The following REV1 variants were observed in gnomAD, a reference collection of about 807,000 sequenced individuals.
REV1 encodes translesion synthesis protein REV1.
Under a neutral mutation model 137.4 loss-of-function variants are expected in REV1, and 42 were observed. The ratio of observed to expected loss-of-function variants is 0.31; its 90% CI spans 0.24 to 0.40. The LOEUF is 0.40. REV1 is among the 10% of genes least tolerant of loss of function. REV1 has a pLI of 1.00. For missense variants in REV1, 1,282 were observed against 1,490.1 expected (o/e 0.86, Z 2.30); for synonymous variants, 524 against 519.2 (o/e 1.01, Z -0.12).
intron 3 of REV1, among the ~76,000 whole-genome samples, 176 bp downstream of exon 3, chr2:99,462,320 T>C (rs905147219): frequency 2.0e-5 from 3 of 152,168 alleles, no homozygotes; most frequent in African/African-American, 4.8e-5. Flanking sequence ...TTAAAGACAA[T>C]GGCAGGTAAA....
chr2:99,478,801 T>C (rs1483460390), intron 1 of REV1, among the ~76,000 whole-genome samples: 1 of 152,172 alleles, frequency 6.6e-6, no homozygotes, highest in Non-Finnish European at 1.5e-5. Context: ...TCAGTGAGTC[T>C]AGGGCAGGGC....
rs758831927 is a variant in REV1 at position 99,438,979 on chromosome 2, A to C, written c.835T>G (p.Leu279Val). The C allele has an allele frequency of 2.5e-6, 4 of 1,614,070 alleles. No individual in the cohort carries two copies. The South Asian group carries it at 4.4e-5, about 18-fold the overall frequency. Residue 279 changes from leucine to valine, a missense_variant, in exon 6 of 23, where the codon TTG (leucine) becomes GTG (valine). Physicochemically the swap from Leu to Val is conservative, Grantham distance 32. This residue lies in a region of REV1 where 432 missense variants were observed against 438.0 expected (regional missense o/e 0.99). Coordinates refer to ENST00000258428, the MANE Select transcript of REV1 (RefSeq NM_016316.4). ...TCTGTGTTTCTGGTGCTTTGCTGCA[A>C]CTGCTGCAGAGTGCAGTCTCTGAAA... ...TDFRDCTLQQLQQSTRNTDAL... is the reference protein window; with the variant it reads ...TDFRDCTLQQVQQSTRNTDAL...
At position 99,403,654 on chromosome 2, in the gene REV1, CTT is replaced by C. The variant is rs751869043; in HGVS notation, c.3166+39_3166+40del. The C allele has an allele frequency of 5.8e-5, 93 of 1,613,598 alleles. 1 individual carries two copies. Among genetic ancestry groups the C allele is most frequent in the South Asian group, 1.1e-4 (10 of 91,070 alleles). On this transcript the variant is annotated intron_variant, in intron 19 of 22. Coordinates refer to ENST00000258428, the MANE Select transcript of REV1 (RefSeq NM_016316.4). ...ATTAGACAACAGTGACTCCATTACT[CTT>C]TGTCTTCATTTTTGTTACATGCCAC...
chr2:99,442,371 G>A lies in REV1; in HGVS notation c.449C>T (p.Pro150Leu), dbSNP rs755601313. Residue 150 changes from proline (P) to leucine (L), a missense_variant, in exon 5 of 23, where the codon CCT becomes CTT. Pro to Leu is a moderately conservative substitution (Grantham distance 98). Around this residue, in one of 7 missense-constraint regions of REV1, gnomAD observed 432 missense variants for 438.0 expected, o/e 0.99. Coordinates refer to ENST00000258428, the MANE Select transcript of REV1 (RefSeq NM_016316.4). ...KGLSFNPVCR[P>L]EDPLPGPSNI... ...GCTTGGACCTGGCAGAGGATCCTCAGGTCTGCATACAGGATTAAAGCTGAG... is the reference window on the plus strand; with the variant it reads ...GCTTGGACCTGGCAGAGGATCCTCAAGTCTGCATACAGGATTAAAGCTGAG... The A allele has an allele frequency of 6.2e-7, 1 of 1,613,360 alleles. No individual in the cohort carries two copies.
chr2:99,467,713 A>G (rs1270387261), intron 1 of REV1, among the ~76,000 whole-genome samples: 1 of 152,244 alleles, frequency 6.6e-6, no homozygotes, highest in African/African-American at 2.4e-5. Context: ...CAAACTTTGC[A>G]GAAACTGTAT....
At chr2:99,478,250 A>T (rs1424823306) in intron 1 of REV1, among the ~76,000 whole-genome samples, 1 of 152,178 alleles carries the variant, frequency 6.6e-6, no homozygotes, top group African/African-American at 2.4e-5. Context: ...AATAGAAAGT[A>T]CCAAAGAGAA....
chr2:99,426,709 T>C (rs527957223), intron 9 of REV1, among the ~76,000 whole-genome samples: 1 of 152,232 alleles, frequency 6.6e-6, no homozygotes, highest in Admixed American at 6.5e-5. Flanking sequence ...TCTCAAAGTG[T>C]CTCTTCATTA....
At chr2:99,440,281 T>C (rs1042262336) in intron 5 of REV1, among the ~76,000 whole-genome samples, 3 of 152,172 alleles carry the variant, frequency 2.0e-5, no homozygotes, top group Admixed American at 1.3e-4. Context: ...TCATTCTACT[T>C]AGGAATGTCC....
chr2:99,404,417 A>C, intron 18 of REV1, 27 bp downstream of exon 18: 1 of 1,582,648 alleles, frequency 6.3e-7, no homozygotes, highest in Non-Finnish European at 8.7e-7. Flanking sequence ...TTGAAACTAC[A>C]GCAGAGGGTT....
In REV1 at chr2:99,422,666, G is replaced by C. The variant is rs545309794; in HGVS notation, c.1677-1013C>G. Among the ~76,000 whole-genome samples the C allele has an allele frequency of 1.1e-4, 17 of 152,310 alleles. No individual in the cohort carries two copies. The South Asian group carries it at 3.5e-3, about 32-fold the overall frequency. The stretch of plus-strand genomic sequence containing the variant: ...CAGGGAGAATATGAAGCTGAGATAG[G>C]ATTTCCCAAGGGTGGTAGAAGAACA... On this transcript the variant is annotated intron_variant, in intron 10 of 22. Transcript: ENST00000258428.
chr2:99,463,971 G>A (rs1684528876), intron 2 of REV1, among the ~76,000 whole-genome samples: 1 of 152,058 alleles, frequency 6.6e-6, no homozygotes, highest in African/African-American at 2.4e-5. Context: ...CATACAGAGG[G>A]CTTAAAATGA....
chr2:99,447,716 GTT>G (rs200602854), intron 4 of REV1, among the ~76,000 whole-genome samples: 1 of 145,468 alleles, frequency 6.9e-6, no homozygotes, highest in African/African-American at 2.5e-5. Context: ...ACTGCATAAA[GTT>G]TTTTTTTTTT....
rs1676294956 is a variant in REV1 at position 99,406,354 on chromosome 2, T to G, written c.2585A>C (p.Lys862Thr). The G allele has an allele frequency of 6.2e-7, 1 of 1,613,140 alleles. No homozygotes were observed. Among genetic ancestry groups the G allele is most frequent in the African/African-American group, 1.3e-5 (1 of 74,884 alleles). ...TTTGTGCTCCTCTTCGGTGGATTTCTTAGCTTTCTGAACTTGGAAGACATC... is the reference window on the plus strand; with the variant it reads ...TTTGTGCTCCTCTTCGGTGGATTTCGTAGCTTTCTGAACTTGGAAGACATC... ...VRDVFQVQKA[K>T]KSTEEEHKEV... The change falls in exon 16 of 23, where the codon AAG becomes ACG. Residue 862 changes from lysine to threonine, a missense_variant. Coordinates refer to ENST00000258428, the MANE Select transcript of REV1 (RefSeq NM_016316.4).
At chr2:99,484,702 A>G (rs183466370) in intron 1 of REV1, among the ~76,000 whole-genome samples, 4 of 152,110 alleles carry the variant, frequency 2.6e-5, no homozygotes, top group Admixed American at 6.5e-5. Flanking sequence ...TAAAAAAAAA[A>G]CAAAAAATTA....
At chr2:99,465,896 CTT>C (rs1389365594) in intron 1 of REV1, among the ~76,000 whole-genome samples, 4 of 152,278 alleles carry the variant, frequency 2.6e-5, no homozygotes, top group East Asian at 1.9e-4. Flanking sequence ...AACCATGACA[CTT>C]TACCCCACAC....
rs750286134 is a variant in REV1, at chr2:99,410,765, C to T, written c.2275G>A (p.Val759Ile). 2 of 1,611,452 alleles carry T rather than the reference C, an allele frequency of 1.2e-6. No homozygotes were observed. Among genetic ancestry groups the T allele is most frequent in the Non-Finnish European group, 1.7e-6 (2 of 1,179,314 alleles). Residue 759 changes from valine (V) to isoleucine (I), a missense_variant, in exon 14 of 23, where the codon GTA becomes ATA. Val to Ile is a conservative substitution (Grantham distance 29). This residue lies in a region of REV1 where 372 missense variants were observed against 482.3 expected (regional missense o/e 0.77). Transcript: ENST00000258428. ...TCTACAGGAGCCCCAGGCTTTCGTA[C>T]CATGATTTTGAGAGTTAGACGTTTA... ...KGKRLTLKIMVRKPGAPVETA... is the reference protein window; with the variant it reads ...KGKRLTLKIMIRKPGAPVETA...
chr2:99,445,110 T>TAGGAACAAA (rs1682028758), intron 4 of REV1, among the ~76,000 whole-genome samples: 1 of 146,370 alleles, frequency 6.8e-6, no homozygotes, highest in Non-Finnish European at 1.5e-5. Context: ...TGCTTTGTCC[T>TAGGAACAAA]ACAGCCTCTG....
At chr2:99,408,823 C>A (rs752333762) in intron 14 of REV1, among the ~76,000 whole-genome samples, 1 of 152,206 alleles carries the variant, frequency 6.6e-6, no homozygotes, top group Non-Finnish European at 1.5e-5. Flanking sequence ...AGTTCTCTTT[C>A]CAAAGGAAAG....
chr2:99,409,273 A>G (rs1415506814), intron 14 of REV1, among the ~76,000 whole-genome samples: 1 of 152,208 alleles, frequency 6.6e-6, no homozygotes, highest in East Asian at 1.9e-4. Context: ...TCCTGCTTTC[A>G]TGGTAACTTG....
Sources: gnomAD v4.1 joint callset for allele counts (sites outside exome capture counted in the v4.1 genomes callset) on GRCh38, gnomAD v4.1.1 for gene constraint, gnomAD v4.1.1 regional missense constraint, MANE v1.5 for transcripts, NCBI Gene and HGNC (gene_info 2026-07-23, HGNC 2026-07-21) for gene names.